Variants in CFDP1 observed in about 807,000 individuals in gnomAD.
CFDP1 encodes the protein chromatin remodeling protein CFDP1.
CFDP1 carries 31 observed loss-of-function variants against 40.1 expected under a neutral mutation model. The ratio of observed to expected loss-of-function variants is 0.77; its 90% CI spans 0.58 to 1.04. CFDP1 has a LOEUF of 1.04. CFDP1 is among the 50% of genes least tolerant of loss of function. The probability of loss-of-function intolerance (pLI) is 0.00; values close to 1 mark genes in which losing one functional copy is unlikely to be tolerated. For synonymous variants in CFDP1, 167 were observed against 120.0 expected (o/e 1.39, Z -2.56); for missense variants, 423 against 343.4 (o/e 1.23, Z -1.83).
At chr16:75,319,770 C>T (rs1324585497) in intron 5 of CFDP1, among the ~76,000 whole-genome samples, 1 of 152,156 alleles carries the variant, frequency 6.6e-6, no homozygotes, top group Admixed American at 6.5e-5. Context: ...CCCCTCACAA[C>T]CCAGGATTTA....
intron 5 of CFDP1, among the ~76,000 whole-genome samples, chr16:75,338,331 G>A (rs2078503970): frequency 6.6e-6 from 1 of 152,170 alleles, no homozygotes; most frequent in African/African-American, 2.4e-5. Flanking sequence ...AGAAGATAAA[G>A]GGATCATTCA....
At chr16:75,419,711 C>G (rs1220054921) in intron 1 of CFDP1, among the ~76,000 whole-genome samples, 2 of 152,156 alleles carry the variant, frequency 1.3e-5, no homozygotes, top group African/African-American at 2.4e-5. Flanking sequence ...CGTAAAGAAG[C>G]TGGCTAAAAC....
chr16:75,388,985 T>C (rs2078924632), intron 5 of CFDP1, among the ~76,000 whole-genome samples: 1 of 152,074 alleles, frequency 6.6e-6, no homozygotes, highest in Non-Finnish European at 1.5e-5. Context: ...GAAAATGATG[T>C]CTTTCCCTCT....
chr16:75,313,386 G>A (rs2078306940), intron 5 of CFDP1, among the ~76,000 whole-genome samples: 1 of 152,206 alleles, frequency 6.6e-6, no homozygotes, highest in Admixed American at 6.5e-5. Flanking sequence ...CTGGAGTGCA[G>A]TGGCGTGGTC....
intron 6 of CFDP1, among the ~76,000 whole-genome samples, chr16:75,299,549 C>A (rs958311676): frequency 1.3e-5 from 2 of 151,298 alleles, no homozygotes; most frequent in Non-Finnish European, 2.9e-5. Flanking sequence ...GAGCTGAGAT[C>A]GCGCCACTGC....
intron 5 of CFDP1, among the ~76,000 whole-genome samples, chr16:75,361,182 G>A (rs1220515770): frequency 6.6e-6 from 1 of 151,934 alleles, no homozygotes; most frequent in Non-Finnish European, 1.5e-5. Context: ...GCTAATTTTT[G>A]TATTTTTTAG....
At chr16:75,408,959 GT>G (rs1333021993) in intron 4 of CFDP1, among the ~76,000 whole-genome samples, 9 of 151,958 alleles carry the variant, frequency 5.9e-5, no homozygotes, top group Non-Finnish European at 1.2e-4. Flanking sequence ...CTGGATTCAA[GT>G]GATTCTCCTG....
chr16:75,305,939 G>A (rs948179737), intron 5 of CFDP1, among the ~76,000 whole-genome samples: 3 of 152,218 alleles, frequency 2.0e-5, no homozygotes, highest in African/African-American at 7.2e-5. Flanking sequence ...GACAGTGGGA[G>A]AAACCCCAGA....
At chr16:75,391,986 T>A (rs909957315) in intron 5 of CFDP1, among the ~76,000 whole-genome samples, 4 of 151,606 alleles carry the variant, frequency 2.6e-5, no homozygotes, top group Middle Eastern at 3.4e-3. Flanking sequence ...AAAAAATAAA[T>A]AAATAAATAA....
intron 6 of CFDP1, among the ~76,000 whole-genome samples, chr16:75,294,591 G>C (rs538290631): frequency 5.3e-5 from 8 of 152,210 alleles, no homozygotes; most frequent in Non-Finnish European, 1.2e-4. Flanking sequence ...GAAGTGAGCT[G>C]AGGTTCATAA....
At chr16:75,390,573 G>T (rs1239946848) in intron 5 of CFDP1, among the ~76,000 whole-genome samples, 1 of 152,216 alleles carries the variant, frequency 6.6e-6, no homozygotes, top group African/African-American at 2.4e-5. Flanking sequence ...TCTCCCCAGA[G>T]ATAGTCTTGA....
intron 5 of CFDP1, among the ~76,000 whole-genome samples, chr16:75,380,618 G>T (rs2078844684): frequency 6.6e-6 from 1 of 152,052 alleles, no homozygotes; most frequent in Non-Finnish European, 1.5e-5. Flanking sequence ...TAAGCTTTTG[G>T]GCTGTAGCGG....
chr16:75,361,720 G>A lies in CFDP1; in HGVS notation c.650+33370C>T, dbSNP rs546283043. Among the ~76,000 whole-genome samples the A allele has an allele frequency of 5.3e-5, 8 of 152,160 alleles. No individual in the cohort carries two copies. In the East Asian group the frequency reaches 1.5e-3, roughly 29 times the overall value. Reference sequence around the variant, plus strand: ...AAAAGTTTTTTTACAATACACAATAGAACTGTCAAAAGGCACTTGCACCCT... The same window carrying A: ...AAAAGTTTTTTTACAATACACAATAAAACTGTCAAAAGGCACTTGCACCCT... On this transcript the variant is annotated intron_variant, in intron 5 of 6. Transcript: ENST00000283882.
At chr16:75,401,402 T>C (rs2079051827) in intron 4 of CFDP1, among the ~76,000 whole-genome samples, 1 of 124,612 alleles carries the variant, frequency 8.0e-6, no homozygotes, top group Admixed American at 1.0e-4. Flanking sequence ...CACTCCACCC[T>C]GGGCAACAAA....
intron 5 of CFDP1, among the ~76,000 whole-genome samples, chr16:75,312,975 G>T (rs968634796): frequency 1.3e-5 from 2 of 152,138 alleles, no homozygotes; most frequent in African/African-American, 4.8e-5. Flanking sequence ...CTTTTTCTCT[G>T]GGACAAGCTA....
chr16:75,322,789 AAC>A (rs1357919746), intron 5 of CFDP1, among the ~76,000 whole-genome samples: 2 of 152,158 alleles, frequency 1.3e-5, no homozygotes, highest in African/African-American at 4.8e-5. Flanking sequence ...CCAAATCGGA[AAC>A]ACTTCTGGTC....
intron 4 of CFDP1, among the ~76,000 whole-genome samples, chr16:75,404,088 C>G (rs2079078510): frequency 6.6e-6 from 1 of 151,388 alleles, no homozygotes; most frequent in African/African-American, 2.4e-5. Flanking sequence ...GCTGAGATCG[C>G]ACCACTGCAC....
At chr16:75,377,385 GGT>G (rs1308063979) in intron 5 of CFDP1, among the ~76,000 whole-genome samples, 1 of 152,060 alleles carries the variant, frequency 6.6e-6, no homozygotes, top group Non-Finnish European at 1.5e-5. Context: ...CCACTATATT[GGT>G]GTGAGTCCAC....
chr16:75,387,976 C>T (rs544258093), intron 5 of CFDP1, among the ~76,000 whole-genome samples: 2 of 152,300 alleles, frequency 1.3e-5, no homozygotes, highest in South Asian at 4.1e-4. Context: ...TTCAAAGAGT[C>T]CCACATCAGT....
Sources: gnomAD v4.1 joint callset for allele counts (sites outside exome capture counted in the v4.1 genomes callset) on GRCh38, gnomAD v4.1.1 for gene constraint, MANE v1.5 for transcripts, NCBI Gene and HGNC (gene_info 2026-07-23, HGNC 2026-07-21) for gene names.